MMEL1: variants seen among roughly 807,000 people sequenced by gnomAD.
MMEL1 encodes the protein membrane metalloendopeptidase like 1, also known as membrane metallo-endopeptidase-like 1.
MMEL1 carries 98 observed loss-of-function variants against 117.1 expected under a neutral mutation model. That is an observed-to-expected ratio of 0.84 (90% CI 0.71 to 0.99). The LOEUF (loss-of-function observed/expected upper bound fraction) is 0.99. MMEL1 is among the 50% of genes least tolerant of loss of function. The probability of loss-of-function intolerance (pLI) is 0.00; values close to 1 mark genes in which losing one functional copy is unlikely to be tolerated. For synonymous variants in MMEL1, 390 were observed against 415.1 expected (o/e 0.94, Z 0.74); for missense variants, 1,014 against 1,049.1 (o/e 0.97, Z 0.46).
rs562668343 is a variant in MMEL1 at position 2,594,711 on chromosome 1, G to A, written c.1688+79C>T. 134 of 1,276,166 alleles carry A rather than the reference G, an allele frequency of 1.1e-4. No homozygotes were observed. In the East Asian group the frequency reaches 1.8e-3, roughly 18 times the overall value. 79.1% of individuals were successfully genotyped at this position (1,276,166 alleles called of 1,614,324 possible). ...ACCCCAGCCACGCATCCAGTCCCCC[G>A]CCTGGCAGGCAGCCCTGCACGCCTT... On this transcript the variant is annotated intron_variant, in intron 17 of 23. Coordinates refer to ENST00000378412, the MANE Select transcript of MMEL1 (RefSeq NM_033467.4).
chr1:2,595,237 G>A lies in MMEL1; in HGVS notation c.1584+39C>T, dbSNP rs370652022. The A allele has an allele frequency of 5.1e-6, 8 of 1,568,908 alleles. No homozygotes were observed. The highest frequency in any genetic ancestry group is 4.1e-5 in the African/African-American group (3 of 74,002). On this transcript the variant is annotated intron_variant, in intron 16 of 23. Coordinates refer to ENST00000378412, the MANE Select transcript of MMEL1 (RefSeq NM_033467.4). The surrounding 1 kb of genome is among the most constrained non-coding windows in gnomAD (Gnocchi z 4.8). The stretch of plus-strand genomic sequence containing the variant: ...CCAGGCAATCAGGGCCCATGTCCAC[G>A]GTGTGGGGGGCAGTTTAGGGCTGGG...
rs1477752871 is a variant in MMEL1, at chr1:2,594,220, C to T, written c.1747+165G>A. On this transcript the variant is annotated intron_variant, in intron 18 of 23. Transcript: ENST00000378412. ...TCCCTCCCGAAGCCGCTCATGGGCA[C>T]GGGAGTGAGTGTTCCCCACGGGGGC... is the stretch of plus-strand genomic sequence containing the variant. The T allele has an allele frequency of 2.9e-5, 25 of 872,170 alleles. No homozygotes were observed. In the East Asian group the frequency reaches 2.9e-4, roughly 10 times the overall value. The allele number at this position is 872,170 out of a possible 1,614,324, so 54.0% of individuals were successfully genotyped here.
Position 2,607,054 on chromosome 1 carries a change from C to T in MMEL1, c.551G>A (p.Arg184Gln), listed in dbSNP as rs1308077504. 8.7e-6 allele frequency: 14 copies of T among 1,613,062 alleles called. No individual in the cohort carries two copies. The highest frequency in any genetic ancestry group is 1.3e-5 in the African/African-American group (1 of 74,954). ...SCMNQSVIEKRGSQPLLDILE... is the reference protein window; with the variant it reads ...SCMNQSVIEKQGSQPLLDILE... ...GATGTCCAGCAGGGGCTGAGAGCCT[C>T]GCTTCTCTATCACACCTGAGAAGGG... is the stretch of plus-strand genomic sequence containing the variant. Residue 184 changes from arginine to glutamine, a missense_variant, in exon 7 of 24, where the codon CGA becomes CAA. By Grantham distance (43) the Arg-to-Gln change is conservative. Coordinates refer to ENST00000378412, the MANE Select transcript of MMEL1 (RefSeq NM_033467.4).
In MMEL1 at chr1:2,595,403, A is replaced by G; in HGVS notation, c.1501-44T>C. The G allele has an allele frequency of 6.3e-7, 1 of 1,576,550 alleles. No homozygotes were observed. The highest frequency in any genetic ancestry group is 2.2e-5 in the East Asian group (1 of 44,630). On this transcript the variant is annotated intron_variant, in intron 15 of 23. Transcript: ENST00000378412. This position sits in a 1 kb window ranked among gnomAD's most constrained non-coding sequence, Gnocchi z 4.8. ...CTGGTCAGTGGGTGCCCCACTGCGG[A>G]TGGAGTCAGCCCGGGGGCCGGTCAG...
At chr1:2,596,422 G>A in intron 14 of MMEL1, 139 bp downstream of exon 14, 2 of 1,260,570 alleles carry the variant, frequency 1.6e-6, no homozygotes, top group South Asian at 1.5e-5. Flanking sequence ...GGTGGGCACG[G>A]CTTCCCTTAG....
rs2100951552 is a variant in MMEL1, at chr1:2,612,716, C to T, written c.155-512G>A. On this transcript the variant is annotated intron_variant, in intron 2 of 23. Coordinates refer to ENST00000378412, the MANE Select transcript of MMEL1 (RefSeq NM_033467.4). The surrounding 1 kb of genome is among the most constrained non-coding windows in gnomAD (Gnocchi z 5.4). ...CTCACTGCTGCTGAAGGTGCCAAGC[C>T]ACCCTCCCTCCATCTCTCTACTGCC... is the stretch of plus-strand genomic sequence containing the variant. Among the ~76,000 whole-genome samples, 1 of 152,238 alleles carries T rather than the reference C, an allele frequency of 6.6e-6. No individual in the cohort carries two copies. The highest frequency in any genetic ancestry group is 1.9e-4 in the East Asian group (1 of 5,168).
At position 2,617,299 on chromosome 1, in the gene MMEL1, C is replaced by T. The variant is rs568078417; in HGVS notation, c.155-5095G>A. ...AAAATTAGCCGGGCGTGGTGGCGGG[C>T]GCCTGTAGTCCCAGCTACTCGGGAG... On this transcript the variant is annotated intron_variant, in intron 2 of 23. Coordinates refer to ENST00000378412, the MANE Select transcript of MMEL1 (RefSeq NM_033467.4). Among the ~76,000 whole-genome samples the T allele has an allele frequency of 8.4e-3, 1,277 of 151,946 alleles. 6 individuals carry two copies. Among genetic ancestry groups the T allele is most frequent in the Non-Finnish European group, 0.014 (931 of 67,958 alleles).
intron 2 of MMEL1, among the ~76,000 whole-genome samples, chr1:2,628,010 C>A (rs920556539): frequency 6.6e-6 from 1 of 152,238 alleles, no homozygotes; most frequent in African/African-American, 2.4e-5. Context: ...TTGGCACGAC[C>A]CAGAAGAAGA....
At chr1:2,621,569 C>T (rs923717007) in intron 2 of MMEL1, among the ~76,000 whole-genome samples, 1 of 136,224 alleles carries the variant, frequency 7.3e-6, no homozygotes, top group African/African-American at 3.0e-5. Context: ...TGAACCAATG[C>T]ACATTTTTTT....
At chr1:2,611,514 C>T (rs1303657505) in intron 3 of MMEL1, 174 bp from the exon 4 acceptor site, 3 of 516,126 alleles carry the variant, frequency 5.8e-6, no homozygotes, top group Non-Finnish European at 1.0e-5. Flanking sequence ...TAGGGCAAGG[C>T]CAGGGTAACC....
At chr1:2,632,796 A>G (rs1638653031) in intron 1 of MMEL1, 70 bp downstream of exon 1, 4 of 920,802 alleles carry the variant, frequency 4.3e-6, no homozygotes, top group Non-Finnish European at 5.2e-6. Context: ...TTCAAGGCCC[A>G]GGAGAGGGCC....
At chr1:2,602,797 C>T (rs376661253) in intron 11 of MMEL1, among the ~76,000 whole-genome samples, 1 of 152,172 alleles carries the variant, frequency 6.6e-6, no homozygotes. Flanking sequence ...GTGTGAGCCA[C>T]ACTGGCCCCA....
At chr1:2,617,235 G>A (rs1645215202) in intron 2 of MMEL1, among the ~76,000 whole-genome samples, 2 of 152,112 alleles carry the variant, frequency 1.3e-5, no homozygotes, top group South Asian at 2.1e-4. Context: ...AGACCATCCC[G>A]GCTAACACGG....
In MMEL1 at chr1:2,593,843, T is replaced by C. The variant is rs142343927; in HGVS notation, c.1838A>G (p.His613Arg). The change falls in exon 19 of 24, where the codon CAC becomes CGC. Residue 613 changes from histidine to arginine, a missense_variant. His to Arg is a conservative substitution (Grantham distance 29). Transcript: ENST00000378412. ...GTCGTCAAAGCCGTGCGTGATCTCG[T>C]GCCCGATCACCATCCCAATGCCTCC... ...NFGGIGMVIGHEITHGFDDNG... is the reference protein window; with the variant it reads ...NFGGIGMVIGREITHGFDDNG... 6.2e-7 allele frequency: 1 copy of C among 1,612,006 alleles called. No homozygotes were observed. The highest frequency in any genetic ancestry group is 1.3e-5 in the African/African-American group (1 of 74,860).
rs980484465 is a variant in MMEL1, at chr1:2,598,223, C to T, written c.1256G>A (p.Arg419Gln). The T allele has an allele frequency of 6.2e-6, 10 of 1,614,034 alleles. No homozygotes were observed. The highest frequency in any genetic ancestry group is 2.2e-5 in the East Asian group (1 of 44,878). ...GGGGCTCACCTTGCGGTAGTTCACT[C>T]GTGTGTCCTTGAATCTCTGGCTTAG... ...GSLSQRFKDT[R>Q]VNYRKALFGT... Residue 419 changes from arginine to glutamine, a missense_variant, in exon 13 of 24, where the codon CGA becomes CAA. Coordinates refer to ENST00000378412, the MANE Select transcript of MMEL1 (RefSeq NM_033467.4).
At chr1:2,598,390 T>G in intron 12 of MMEL1, 90 bp from the exon 13 acceptor site, 1 of 1,370,454 alleles carries the variant, frequency 7.3e-7, no homozygotes, top group Non-Finnish European at 1.0e-6. Context: ...GCCAGCACGT[T>G]CCACCCCAGA....
In MMEL1 at chr1:2,606,974, C is replaced by T. The variant is rs1160004555; in HGVS notation, c.631G>A (p.Gly211Arg). 1.2e-6 allele frequency: 2 copies of T among 1,612,142 alleles called. No homozygotes were observed. ...AGGCTGCTGCCAGGCCCGGCCTTACCTACGGTCTCGTTCCACCTGTCCATC... is the reference window on the plus strand; with the variant it reads ...AGGCTGCTGCCAGGCCCGGCCTTACTTACGGTCTCGTTCCACCTGTCCATC... ...VAMDRWNETV[G>R]LEWELERQLA... Residue 211 changes from glycine (G) to arginine (R), a missense_variant and splice_region_variant, in exon 7 of 24, where the codon GGA (glycine) becomes AGA (arginine). Coordinates refer to ENST00000378412, the MANE Select transcript of MMEL1 (RefSeq NM_033467.4).
At position 2,595,145 on chromosome 1, in the gene MMEL1, A is replaced by C; in HGVS notation, c.1584+131T>G. On this transcript the variant is annotated intron_variant, in intron 16 of 23. Coordinates refer to ENST00000378412, the MANE Select transcript of MMEL1 (RefSeq NM_033467.4). The surrounding 1 kb of genome is among the most constrained non-coding windows in gnomAD (Gnocchi z 4.8). Reference sequence around the variant, plus strand: ...AGGGTAGTGCTGGAGCCACCACCCTAGGGCACGGTGAGGACAGCTGTGTTA... The same window carrying C: ...AGGGTAGTGCTGGAGCCACCACCCTCGGGCACGGTGAGGACAGCTGTGTTA... 1 of 824,294 alleles carries C rather than the reference A, an allele frequency of 1.2e-6. No individual in the cohort carries two copies. Among genetic ancestry groups the C allele is most frequent in the Admixed American group, 2.4e-5 (1 of 41,324 alleles). The allele number at this position is 824,294 out of a possible 1,614,324, so 51.1% of individuals were successfully genotyped here. A position where few individuals can be genotyped will look rare whatever the true frequency, so the allele number is the denominator to read the frequency against.
chr1:2,594,591 C>T lies in MMEL1; in HGVS notation c.1689-148G>A, dbSNP rs1644801071. 7 of 1,116,654 alleles carry T rather than the reference C, an allele frequency of 6.3e-6. No individual in the cohort carries two copies. The East Asian group carries it at 1.5e-4, about 25-fold the overall frequency. The allele number at this position is 1,116,654 out of a possible 1,614,324, so 69.2% of individuals were successfully genotyped here. ...AAGATCTGGTTCCTTCCTGGGGTCC[C>T]TGAGGAGGAGGCGACTTGGGCCCCA... On this transcript the variant is annotated intron_variant, in intron 17 of 23. Coordinates refer to ENST00000378412, the MANE Select transcript of MMEL1 (RefSeq NM_033467.4).
Sources: allele counts gnomAD v4.1 joint callset (sites outside exome capture counted in the v4.1 genomes callset), GRCh38; gene constraint gnomAD v4.1.1; non-coding constraint Gnocchi (gnomAD v3.1); transcripts MANE v1.5; gene names NCBI Gene and HGNC (gene_info 2026-07-23, HGNC 2026-07-21).